XKR9: variants seen among roughly 807,000 people sequenced by gnomAD.
The protein encoded by XKR9 is XK related 9.
Under a neutral mutation model 32.0 loss-of-function variants are expected in XKR9, and 32 were observed. The observed-to-expected ratio is 1.00, with a 90% confidence interval of 0.76 to 1.34. The LOEUF (loss-of-function observed/expected upper bound fraction) is 1.34. Ranked by LOEUF, XKR9 falls within the 40% of genes most tolerant of loss-of-function variation. The pLI, the probability that XKR9 is intolerant of heterozygous loss-of-function variation, is 0.00. For missense variants in XKR9, 546 were observed against 429.7 expected (o/e 1.27, Z -2.39); for synonymous variants, 168 against 143.4 (o/e 1.17, Z -1.22).
the XKR9 span, among the ~76,000 whole-genome samples, chr8:70,959,992 G>A: frequency 2.0e-5 from 3 of 152,190 alleles, no homozygotes; most frequent in Admixed American, 1.3e-4. Flanking sequence ...CACTTTGGGA[G>A]GCCAAGGTGG....
chr8:70,795,520 A>G, the XKR9 span, among the ~76,000 whole-genome samples: 1 of 152,188 alleles, frequency 6.6e-6, no homozygotes. Context: ...GCTGGATCAC[A>G]TGGTAATTCT....
chr8:70,848,375 C>T, the XKR9 span, among the ~76,000 whole-genome samples: 3 of 151,764 alleles, frequency 2.0e-5, no homozygotes, highest in Non-Finnish European at 2.9e-5. Context: ...AAGGTCTTTC[C>T]TTTAAGGACT....
chr8:71,019,403 T>A, the XKR9 span, among the ~76,000 whole-genome samples: 1 of 152,350 alleles, frequency 6.6e-6, no homozygotes, highest in East Asian at 1.9e-4. Flanking sequence ...AAGACAAAAA[T>A]ATTCAGAATT....
chr8:70,956,917 G>A, the XKR9 span, among the ~76,000 whole-genome samples: 1 of 152,154 alleles, frequency 6.6e-6, no homozygotes, highest in Non-Finnish European at 1.5e-5. Context: ...TGTTTGGATG[G>A]CTGCAACAGT....
the XKR9 span, among the ~76,000 whole-genome samples, chr8:70,908,966 T>C: frequency 6.6e-6 from 1 of 152,232 alleles, no homozygotes; most frequent in Admixed American, 6.5e-5. Context: ...GGTCTGTATG[T>C]TGTGCAGGCA....
chr8:70,905,000 T>A, the XKR9 span, among the ~76,000 whole-genome samples: 1 of 152,260 alleles, frequency 6.6e-6, no homozygotes, highest in South Asian at 2.1e-4. Flanking sequence ...GCTGTTAGTC[T>A]GATGGGCTTG....
At chr8:70,884,891 T>C in the XKR9 span, among the ~76,000 whole-genome samples, 1 of 152,324 alleles carries the variant, frequency 6.6e-6, no homozygotes, top group East Asian at 1.9e-4. Flanking sequence ...AAATTTACAA[T>C]CCGTTTGTTG....
intron 3 of XKR9, among the ~76,000 whole-genome samples, chr8:70,705,280 G>T (rs1317910548): frequency 6.6e-6 from 1 of 152,136 alleles, no homozygotes; most frequent in Non-Finnish European, 1.5e-5. Context: ...ACAAAACAAA[G>T]TCTGTCCTTT....
At chr8:71,004,081 A>G in the XKR9 span, among the ~76,000 whole-genome samples, 1 of 152,170 alleles carries the variant, frequency 6.6e-6, no homozygotes, top group African/African-American at 2.4e-5. Flanking sequence ...AGGGTAAGGC[A>G]TGGGGATGGG....
chr8:70,786,736 T>C (rs1807693796), intron 2 of XKR9, among the ~76,000 whole-genome samples: 1 of 152,094 alleles, frequency 6.6e-6, no homozygotes, highest in African/African-American at 2.4e-5. Flanking sequence ...TGTGTCTTTT[T>C]ATGGGAGAAT....
At chr8:70,921,608 C>T in the XKR9 span, among the ~76,000 whole-genome samples, 2 of 151,996 alleles carry the variant, frequency 1.3e-5, no homozygotes, top group Non-Finnish European at 2.9e-5. Flanking sequence ...CAGTTGAATT[C>T]TTTACACAAA....
chr8:71,038,208 T>C, the XKR9 span, among the ~76,000 whole-genome samples: 1 of 152,202 alleles, frequency 6.6e-6, no homozygotes, highest in Admixed American at 6.5e-5. Flanking sequence ...CTCATCCTGC[T>C]ACAATTCAGT....
intron 2 of XKR9, among the ~76,000 whole-genome samples, chr8:70,773,120 C>G (rs1807475662): frequency 6.6e-6 from 1 of 152,130 alleles, no homozygotes; most frequent in Non-Finnish European, 1.5e-5. Context: ...ATTTTGATTA[C>G]TGAGTGTTCA....
At chr8:70,809,144 C>T in the XKR9 span, among the ~76,000 whole-genome samples, 259 of 152,274 alleles carry the variant, frequency 1.7e-3, 6 homozygotes, top group South Asian at 0.05. Flanking sequence ...CACCAATATC[C>T]GCTGTTCTGC....
chr8:70,849,210 G>T, the XKR9 span, among the ~76,000 whole-genome samples: 36 of 152,104 alleles, frequency 2.4e-4, no homozygotes, highest in African/African-American at 8.4e-4. Flanking sequence ...ACACTCCTCA[G>T]CAAATACAAA....
intron 2 of XKR9, among the ~76,000 whole-genome samples, chr8:70,744,749 G>A (rs139541307): frequency 6.6e-6 from 1 of 150,858 alleles, no homozygotes; most frequent in South Asian, 2.1e-4. Context: ...GGGACTACAG[G>A]TGTGCACCAC....
At chr8:70,907,082 T>C in the XKR9 span, among the ~76,000 whole-genome samples, 8 of 152,350 alleles carry the variant, frequency 5.3e-5, no homozygotes, top group East Asian at 1.5e-3. Flanking sequence ...TCTGTCCTTA[T>C]AGCTTTGCCC....
chr8:70,939,022 TAAGA>T, the XKR9 span, among the ~76,000 whole-genome samples: 816 of 151,968 alleles, frequency 5.4e-3, 11 homozygotes, highest in African/African-American at 0.019. Flanking sequence ...TGCTTACTTT[TAAGA>T]AAGAGATTTC....
the XKR9 span, among the ~76,000 whole-genome samples, chr8:71,019,463 C>T: frequency 6.6e-6 from 1 of 152,168 alleles, no homozygotes; most frequent in East Asian, 1.9e-4. Flanking sequence ...CTTTACCTCC[C>T]TTTGTGGCTG....
Sources: allele counts gnomAD v4.1 joint callset (sites outside exome capture counted in the v4.1 genomes callset), GRCh38; gene constraint gnomAD v4.1.1; transcripts MANE v1.5; gene names NCBI Gene and HGNC (gene_info 2026-07-23, HGNC 2026-07-21).